CFAP90: variants seen among roughly 807,000 people sequenced by gnomAD.
CFAP90 encodes cilia and flagella associated protein 90, also known as cilia- and flagella-associated protein 90.
At chr5:7,834,326 CAT>C in the CFAP90 span, among the ~76,000 whole-genome samples, 1 of 151,980 alleles carries the variant, frequency 6.6e-6, no homozygotes, top group African/African-American at 2.4e-5. Context: ...TAAAAATAGA[CAT>C]AAAGATCTAA....
the CFAP90 span, chr5:7,850,810 G>C: frequency 8.9e-7 from 1 of 1,121,480 alleles, no homozygotes; most frequent in Non-Finnish European, 1.1e-6. Flanking sequence ...CCGCCCAGCC[G>C]CCCAGCCGCC....
At chr5:7,840,992 A>G in the CFAP90 span, among the ~76,000 whole-genome samples, 1 of 152,210 alleles carries the variant, frequency 6.6e-6, no homozygotes, top group Non-Finnish European at 1.5e-5. Context: ...AAATTGACAT[A>G]TAGTATCTAA....
the CFAP90 span, among the ~76,000 whole-genome samples, chr5:7,844,748 G>A: frequency 1.3e-5 from 2 of 152,232 alleles, no homozygotes; most frequent in South Asian, 2.1e-4. Context: ...AGGCAGATCA[G>A]CAACAGAACT....
the CFAP90 span, among the ~76,000 whole-genome samples, chr5:7,832,632 C>T: frequency 1.3e-5 from 2 of 152,116 alleles, no homozygotes; most frequent in African/African-American, 4.8e-5. Context: ...GGATTACAAG[C>T]GTGCACCACC....
At chr5:7,838,444 C>T in the CFAP90 span, among the ~76,000 whole-genome samples, 9 of 152,186 alleles carry the variant, frequency 5.9e-5, no homozygotes, top group South Asian at 2.1e-4. Context: ...GCTAAGCAAA[C>T]ATTTTTGGGA....
At chr5:7,838,365 C>T in the CFAP90 span, among the ~76,000 whole-genome samples, 13 of 152,274 alleles carry the variant, frequency 8.5e-5, no homozygotes, top group East Asian at 1.9e-3. Context: ...AGAGAAATCT[C>T]GATATCTTTA....
At chr5:7,835,650 C>T in the CFAP90 span, 2 of 577,568 alleles carry the variant, frequency 3.5e-6, no homozygotes, top group Non-Finnish European at 3.1e-6. Context: ...CAAGCAGAAC[C>T]AGCTGTGACG....
the CFAP90 span, among the ~76,000 whole-genome samples, chr5:7,842,317 A>G: frequency 2.0e-5 from 3 of 151,924 alleles, no homozygotes; most frequent in East Asian, 5.8e-4. Context: ...AAGAAAGAAA[A>G]AAAAAAAAAC....
the CFAP90 span, among the ~76,000 whole-genome samples, chr5:7,842,458 G>C: frequency 1.3e-5 from 2 of 151,796 alleles, no homozygotes; most frequent in African/African-American, 2.4e-5. Flanking sequence ...GTAGGCTGGG[G>C]CCAGGAATGT....
chr5:7,843,307 G>A, the CFAP90 span, among the ~76,000 whole-genome samples: 5 of 152,252 alleles, frequency 3.3e-5, no homozygotes, highest in South Asian at 2.1e-4. Flanking sequence ...TGTTGCTTGC[G>A]AAGGACACAA....
chr5:7,849,370 C>T, the CFAP90 span, among the ~76,000 whole-genome samples: 4 of 152,112 alleles, frequency 2.6e-5, no homozygotes, highest in Non-Finnish European at 5.9e-5. Context: ...TCTGGGAACA[C>T]CTTATACACC....
At chr5:7,833,857 C>T in the CFAP90 span, among the ~76,000 whole-genome samples, 1 of 152,196 alleles carries the variant, frequency 6.6e-6, no homozygotes, top group South Asian at 2.1e-4. Context: ...GATGTCATAA[C>T]TGTTGTCATG....
the CFAP90 span, among the ~76,000 whole-genome samples, chr5:7,838,330 TA>T: frequency 0.77 from 117,491 of 152,016 alleles, 46,008 homozygotes; most frequent in African/African-American, 0.86. Context: ...ATGAAAACTT[TA>T]AAAAAAACAT....
At chr5:7,837,126 G>A in the CFAP90 span, among the ~76,000 whole-genome samples, 2 of 152,036 alleles carry the variant, frequency 1.3e-5, no homozygotes, top group East Asian at 1.9e-4. Context: ...TCATATGTAT[G>A]TAATTTACAT....
chr5:7,845,206 C>T, the CFAP90 span, among the ~76,000 whole-genome samples: 33 of 152,140 alleles, frequency 2.2e-4, no homozygotes, highest in African/African-American at 8.0e-4. Flanking sequence ...GGGGAAACTG[C>T]CCCCATGATC....
At chr5:7,834,743 A>G in the CFAP90 span, among the ~76,000 whole-genome samples, 1 of 152,184 alleles carries the variant, frequency 6.6e-6, no homozygotes, top group Admixed American at 6.5e-5. Context: ...AATCCTTTAC[A>G]ATATTTTATA....
chr5:7,835,642 A>G, the CFAP90 span: 15 of 583,784 alleles, frequency 2.6e-5, no homozygotes, highest in Non-Finnish European at 4.5e-5. Context: ...CACCTCACCA[A>G]GCAGAACCAG....
the CFAP90 span, chr5:7,832,169 G>T: frequency 5.2e-6 from 4 of 762,498 alleles, no homozygotes; most frequent in Non-Finnish European, 8.4e-6. Flanking sequence ...CCTCCACGCT[G>T]AAGCCAGGGG....
At chr5:7,833,363 A>G in the CFAP90 span, among the ~76,000 whole-genome samples, 1 of 134,126 alleles carries the variant, frequency 7.5e-6, no homozygotes, top group East Asian at 2.1e-4. Flanking sequence ...ACATGTATTC[A>G]CACATATATA....
Sources: gnomAD v4.1 joint callset for allele counts (sites outside exome capture counted in the v4.1 genomes callset) on GRCh38, gnomAD v4.1.1 for gene constraint, MANE v1.5 for transcripts, NCBI Gene and HGNC (gene_info 2026-07-23, HGNC 2026-07-21) for gene names.